The following MAK variants were observed in gnomAD, a reference collection of about 807,000 sequenced individuals.
MAK encodes serine/threonine-protein kinase MAK.
Under a neutral mutation model 82.6 loss-of-function variants are expected in MAK, and 65 were observed. The ratio of observed to expected loss-of-function variants is 0.79; its 90% CI spans 0.64 to 0.97. MAK has a LOEUF of 0.97. MAK is among the 50% of genes least tolerant of loss of function. The pLI is 0.00. For missense variants in MAK, 703 were observed against 780.2 expected (o/e 0.90, Z 1.18); for synonymous variants, 250 against 274.2 (o/e 0.91, Z 0.87).
chr6:10,776,850 GC>G lies in MAK; in HGVS notation c.1466-1392del, dbSNP rs1773493143. ...GCCTGTAATCCCAGCACTTTGGGAGGCCGAGGCGGGCGGATCACGAGGTCAG... is the reference window on the plus strand; with the variant it reads ...GCCTGTAATCCCAGCACTTTGGGAGGCGAGGCGGGCGGATCACGAGGTCAG... On this transcript the variant is annotated intron_variant, in intron 11 of 14. Transcript: ENST00000354489. The surrounding 1 kb of genome is among the most constrained non-coding windows in gnomAD (Gnocchi z 4.3). 6.6e-6 allele frequency among the ~76,000 whole-genome samples: 1 copy of G among 151,982 alleles called. No homozygotes were observed. The highest frequency in any genetic ancestry group is 2.4e-5 in the African/African-American group (1 of 41,374).
chr6:10,769,997 T>G (rs960170852), intron 14 of MAK, 114 bp downstream of exon 14: 46 of 1,587,024 alleles, frequency 2.9e-5, no homozygotes, highest in Non-Finnish European at 3.8e-5. Flanking sequence ...AATGCGTTAA[T>G]GAGGTGAGGC....
At position 10,832,664 on chromosome 6, in the gene MAK, A is replaced by AT. The variant is rs368977407; in HGVS notation, c.-229-1788dup. ...TAGGCGCAAGCTACTACACCCAGCT[A>AT]TTTTTTGTAATTTTAGTAGAAACAG... On this transcript the variant is annotated intron_variant, in intron 1 of 14. Transcript: ENST00000354489. 3.7e-3 allele frequency among the ~76,000 whole-genome samples: 556 copies of AT among 152,098 alleles called. 2 individuals are homozygous for AT. The highest frequency in any genetic ancestry group is 0.012 in the African/African-American group (506 of 41,508).
chr6:10,815,140 AT>A (rs1777366829), intron 4 of MAK, among the ~76,000 whole-genome samples: 1 of 151,984 alleles, frequency 6.6e-6, no homozygotes, highest in South Asian at 2.1e-4. Context: ...GGTAAAATTA[AT>A]TTTTAACAAT....
intron 14 of MAK, among the ~76,000 whole-genome samples, chr6:10,769,502 CT>C: frequency 6.6e-6 from 1 of 152,312 alleles, no homozygotes. Flanking sequence ...ACCCTTCCCC[CT>C]GAATACTATT....
chr6:10,767,641 T>C (rs574235218), intron 14 of MAK, among the ~76,000 whole-genome samples: 40 of 151,922 alleles, frequency 2.6e-4, no homozygotes, highest in Non-Finnish European at 5.2e-4. Flanking sequence ...ATACATAAAT[T>C]AGCTGGGCGT....
At position 10,802,000 on chromosome 6, in the gene MAK, A is replaced by G. The variant is rs1466670688; in HGVS notation, c.723T>C (p.Cys241=). 3 of 1,614,190 alleles carry G rather than the reference A, an allele frequency of 1.9e-6. No homozygotes were observed. Among genetic ancestry groups the G allele is most frequent in the Non-Finnish European group, 2.5e-6 (3 of 1,180,016 alleles). Residue 241 remains cysteine, a synonymous_variant, in exon 8 of 15, where the codon TGT becomes TGC. Transcript: ENST00000354489. ...TAAGAGTTTTTAAGTTTATAGGAAC[A>G]CACTGGGGAAAACGGAAGTTCATAG... ...ASSMNFRFPQ[C]VPINLKTLIP...
In MAK at chr6:10,787,597, G is replaced by A. The variant is rs577618725; in HGVS notation, c.1317-3025C>T. On this transcript the variant is annotated intron_variant, in intron 10 of 14. Transcript: ENST00000354489. ...GAAATGGCTGGGCGCAGTGGCTCACGCCTGTAATCCCAGCACTTTGGGAGG... is the reference window on the plus strand; with the variant it reads ...GAAATGGCTGGGCGCAGTGGCTCACACCTGTAATCCCAGCACTTTGGGAGG... Among the ~76,000 whole-genome samples, 11 of 152,254 alleles carry A rather than the reference G, an allele frequency of 7.2e-5. No individual in the cohort carries two copies. The East Asian group carries it at 1.2e-3, about 16-fold the overall frequency.
At chr6:10,821,971 C>T (rs1172387833) in intron 2 of MAK, among the ~76,000 whole-genome samples, 1 of 150,794 alleles carries the variant, frequency 6.6e-6, no homozygotes, top group Non-Finnish European at 1.5e-5. Flanking sequence ...CAGGGTGAAA[C>T]CCCATCTCTA....
Position 10,764,408 on chromosome 6 carries a change from C to A in MAK, c.*44G>T. ...ATTTCCCAGGGTCAAGGAACTTGCA[C>A]GTACTCTACGGAGCAATGCTGTAGG... On this transcript the variant is annotated 3_prime_UTR_variant, in exon 15 of 15. Transcript: ENST00000354489. 1 of 1,598,782 alleles carries A rather than the reference C, an allele frequency of 6.3e-7. No individual in the cohort carries two copies. Among genetic ancestry groups the A allele is most frequent in the Non-Finnish European group, 8.6e-7 (1 of 1,167,750 alleles).
In MAK at chr6:10,776,066, G is replaced by C. The variant is rs1773437622; in HGVS notation, c.1466-607C>G. Among the ~76,000 whole-genome samples the C allele has an allele frequency of 2.0e-5, 3 of 152,160 alleles. No homozygotes were observed. The highest frequency in any genetic ancestry group is 2.0e-4 in the Admixed American group (3 of 15,268). On this transcript the variant is annotated intron_variant, in intron 11 of 14. Coordinates refer to ENST00000354489, the MANE Select transcript of MAK (RefSeq NM_001242957.3). The surrounding 1 kb of genome is among the most constrained non-coding windows in gnomAD (Gnocchi z 4.3). Reference sequence around the variant, plus strand: ...GCCTCCCAAAGTGCTGAGATTACAGGTGTAAGCCACCACACCCGACCCAAC... The same window carrying C: ...GCCTCCCAAAGTGCTGAGATTACAGCTGTAAGCCACCACACCCGACCCAAC...
At chr6:10,782,637 G>A (rs866538491) in intron 11 of MAK, among the ~76,000 whole-genome samples, 1 of 148,726 alleles carries the variant, frequency 6.7e-6, no homozygotes, top group African/African-American at 2.5e-5. Flanking sequence ...GGAGTGCAGC[G>A]GTGCCATCTC....
At chr6:10,787,015 C>T (rs1414737570) in intron 10 of MAK, among the ~76,000 whole-genome samples, 1 of 135,458 alleles carries the variant, frequency 7.4e-6, no homozygotes, top group Non-Finnish European at 1.5e-5. Context: ...CGCTAATGCA[C>T]CAGTTCACCT....
In MAK at chr6:10,818,919, A is replaced by G; in HGVS notation, c.123T>C (p.Ser41=). 1 of 1,588,432 alleles carries G rather than the reference A, an allele frequency of 6.3e-7. No individual in the cohort carries two copies. The highest frequency in any genetic ancestry group is 8.6e-7 in the Non-Finnish European group (1 of 1,157,484). The change falls in exon 3 of 15, where the codon TCT becomes TCC. Residue 41 remains serine, a synonymous_variant. Transcript: ENST00000354489. The stretch of plus-strand genomic sequence containing the variant: ...CTCTCAAGTTCATGCATTCATCCCA[A>G]GAATAGAACTTTCTCTTCATCCTAA... ...AIKRMKRKFY[S]WDECMNLREV... is the part of the protein sequence containing the mutation.
intron 10 of MAK, 62 bp downstream of exon 10, chr6:10,791,613 T>TA (rs1775090427): frequency 6.8e-7 from 1 of 1,465,372 alleles, no homozygotes; most frequent in African/African-American, 1.4e-5. Context: ...CATTTATATT[T>TA]AATGAGTAAA....
Position 10,820,068 on chromosome 6 carries a change from C to T in MAK, c.102-1128G>A, listed in dbSNP as rs192704244. ...TGGAGCTTGCAGTGAGCCGAGATCG[C>T]GCCACTGCACTCCAGCCTGGGTGGC... is the stretch of plus-strand genomic sequence containing the variant. On this transcript the variant is annotated intron_variant, in intron 2 of 14. Coordinates refer to ENST00000354489, the MANE Select transcript of MAK (RefSeq NM_001242957.3). Among the ~76,000 whole-genome samples, 1,078 of 151,720 alleles carry T rather than the reference C, an allele frequency of 7.1e-3. 15 individuals carry two copies. The highest frequency in any genetic ancestry group is 0.024 in the African/African-American group (984 of 41,286).
At chr6:10,785,048 C>A in intron 10 of MAK, 1 of 437,208 alleles carries the variant, frequency 2.3e-6, no homozygotes. Flanking sequence ...TAGTGTCAGG[C>A]ACAGAAAATA....
At chr6:10,802,999 G>A (rs1052600109) in intron 7 of MAK, among the ~76,000 whole-genome samples, 3 of 152,220 alleles carry the variant, frequency 2.0e-5, no homozygotes, top group Middle Eastern at 3.4e-3. Flanking sequence ...AACAAGAAAC[G>A]GTTAAGAAAA....
At chr6:10,766,751 C>T (rs906566638) in intron 14 of MAK, among the ~76,000 whole-genome samples, 1 of 152,042 alleles carries the variant, frequency 6.6e-6, no homozygotes, top group Admixed American at 6.6e-5. Context: ...GAAAAGGGAA[C>T]GTGGCATTAG....
chr6:10,769,590 C>T (rs1772803536), intron 14 of MAK, among the ~76,000 whole-genome samples: 1 of 152,220 alleles, frequency 6.6e-6, no homozygotes, highest in Non-Finnish European at 1.5e-5. Flanking sequence ...AGAGACACAC[C>T]TCATGTTAAC....
Sources: allele counts gnomAD v4.1 joint callset (sites outside exome capture counted in the v4.1 genomes callset), GRCh38; gene constraint gnomAD v4.1.1; non-coding constraint Gnocchi (gnomAD v3.1); transcripts MANE v1.5; gene names NCBI Gene and HGNC (gene_info 2026-07-23, HGNC 2026-07-21).